TSPAN9: variants seen among roughly 807,000 people sequenced by gnomAD.
TSPAN9 encodes tetraspanin 9, also known as tetraspanin-9.
Under a neutral mutation model 31.0 loss-of-function variants are expected in TSPAN9, and 16 were observed. The ratio of observed to expected loss-of-function variants is 0.52; its 90% confidence interval spans 0.35 to 0.78. The LOEUF (loss-of-function observed/expected upper bound fraction) is 0.78, where lower values mean the gene tolerates loss of function less well. Among genes scored for constraint, TSPAN9 ranks in the 30% least tolerant of loss-of-function variants. The pLI, the probability that TSPAN9 is intolerant of heterozygous loss-of-function variation, is 0.01. For missense variants in TSPAN9, 272 were observed against 312.5 expected (o/e 0.87, Z 0.98); for synonymous variants, 145 against 121.6 (o/e 1.19, Z -1.27).
intron 3 of TSPAN9, among the ~76,000 whole-genome samples, chr12:3,244,425 T>G (rs2098398257): frequency 6.6e-6 from 1 of 152,166 alleles, no homozygotes; most frequent in Admixed American, 6.5e-5. Flanking sequence ...GGAGGCCATG[T>G]CCTTATTCTC....
intron 3 of TSPAN9, 74 bp downstream of exon 3, chr12:3,201,330 C>T: frequency 1.4e-6 from 2 of 1,397,512 alleles, no homozygotes; most frequent in African/African-American, 1.4e-5. Context: ...AATACCCTCT[C>T]CCTCTTCTGT....
chr12:3,211,327 A>G (rs1190282397), intron 3 of TSPAN9, among the ~76,000 whole-genome samples: 1 of 152,052 alleles, frequency 6.6e-6, no homozygotes, highest in Non-Finnish European at 1.5e-5. Context: ...TTTCCACTGG[A>G]CTGTTTGTCT....
At chr12:3,133,228 G>A (rs1244864974) in intron 2 of TSPAN9, among the ~76,000 whole-genome samples, 4 of 152,198 alleles carry the variant, frequency 2.6e-5, no homozygotes, top group South Asian at 2.1e-4. Flanking sequence ...CACCCATCCC[G>A]GAAAAAGAGG....
intron 2 of TSPAN9, among the ~76,000 whole-genome samples, chr12:3,175,379 G>A (rs2098354978): frequency 6.6e-6 from 1 of 152,204 alleles, no homozygotes; most frequent in African/African-American, 2.4e-5. Context: ...CTGCCAAGCT[G>A]TGGCAGCCCC....
chr12:3,204,585 A>C (rs998059915), intron 3 of TSPAN9, among the ~76,000 whole-genome samples: 10 of 152,172 alleles, frequency 6.6e-5, no homozygotes, highest in African/African-American at 2.2e-4. Context: ...TTGGCAGCCC[A>C]GTGCACTGTG....
chr12:3,156,767 CA>C, intron 2 of TSPAN9, among the ~76,000 whole-genome samples: 1 of 152,160 alleles, frequency 6.6e-6, no homozygotes. Context: ...CTCAGCCTCC[CA>C]AAGTGCTGGG....
intron 7 of TSPAN9, 37 bp downstream of exon 7, chr12:3,281,366 C>T (rs775913062): frequency 6.2e-5 from 94 of 1,528,054 alleles, no homozygotes; most frequent in Middle Eastern, 3.5e-4. Context: ...TCCAAGAGCC[C>T]GTGTGTGGAT....
intron 2 of TSPAN9, among the ~76,000 whole-genome samples, chr12:3,198,208 T>C (rs1182887599): frequency 4.6e-3 from 167 of 35,938 alleles, no homozygotes; most frequent in Non-Finnish European, 5.0e-3. Flanking sequence ...CCAGCACAGG[T>C]CACCACCAGC....
chr12:3,182,939 G>A (rs2098359214), intron 2 of TSPAN9, among the ~76,000 whole-genome samples: 1 of 152,248 alleles, frequency 6.6e-6, no homozygotes, highest in Admixed American at 6.5e-5. Context: ...AGGGCCGCAT[G>A]GTCGGAGACA....
At chr12:3,097,291 A>AG (rs2098309606) in intron 2 of TSPAN9, among the ~76,000 whole-genome samples, 1 of 152,138 alleles carries the variant, frequency 6.6e-6, no homozygotes, top group Admixed American at 6.5e-5. Flanking sequence ...GCAGCTTTGG[A>AG]GGAAAACATG....
At chr12:3,102,717 G>T (rs1330983961) in intron 2 of TSPAN9, among the ~76,000 whole-genome samples, 1 of 152,192 alleles carries the variant, frequency 6.6e-6, no homozygotes, top group Admixed American at 6.5e-5. Context: ...GATTACAGGC[G>T]TGAGCCACTG....
At chr12:3,135,571 T>C (rs1480409159) in intron 2 of TSPAN9, among the ~76,000 whole-genome samples, 1 of 152,100 alleles carries the variant, frequency 6.6e-6, no homozygotes, top group Non-Finnish European at 1.5e-5. Flanking sequence ...GCCTGCAGGG[T>C]TGAGGGGCTG....
At chr12:3,188,076 A>G (rs1206117076) in intron 2 of TSPAN9, among the ~76,000 whole-genome samples, 2 of 152,146 alleles carry the variant, frequency 1.3e-5, no homozygotes, top group African/African-American at 2.4e-5. Context: ...TCGAGCTCCT[A>G]TGAAGTGTGA....
intron 2 of TSPAN9, 150 bp from the exon 3 acceptor site, chr12:3,201,027 G>T (rs1026532527): frequency 1.5e-6 from 1 of 662,436 alleles, no homozygotes; most frequent in Admixed American, 3.0e-5. Context: ...CCGTTCGGCC[G>T]CGGCTTCACG....
chr12:3,129,139 A>G (rs963744745), intron 2 of TSPAN9, among the ~76,000 whole-genome samples: 8 of 152,118 alleles, frequency 5.3e-5, no homozygotes, highest in African/African-American at 1.9e-4. Flanking sequence ...TTGTGTGTAT[A>G]TGCCACATTT....
chr12:3,175,695 T>C (rs570646629), intron 2 of TSPAN9, among the ~76,000 whole-genome samples: 1 of 152,340 alleles, frequency 6.6e-6, no homozygotes, highest in South Asian at 2.1e-4. Flanking sequence ...AGTAAGTACC[T>C]GGCCTTTCTG....
intron 2 of TSPAN9, among the ~76,000 whole-genome samples, chr12:3,169,005 T>G (rs2098350247): frequency 6.6e-6 from 1 of 152,096 alleles, no homozygotes. Flanking sequence ...TTTCGTCATT[T>G]CTCTCCTCAT....
At chr12:3,088,719 C>T (rs1363379358) in intron 2 of TSPAN9, among the ~76,000 whole-genome samples, 1 of 151,980 alleles carries the variant, frequency 6.6e-6, no homozygotes, top group Non-Finnish European at 1.5e-5. Context: ...TCAGGCTGGG[C>T]CTTGAGGGAG....
chr12:3,196,044 C>G (rs2098366886), intron 2 of TSPAN9, among the ~76,000 whole-genome samples: 1 of 152,200 alleles, frequency 6.6e-6, no homozygotes, highest in Admixed American at 6.5e-5. Flanking sequence ...GAGGCCCACG[C>G]CTTGTCTTAC....
Sources: allele counts gnomAD v4.1 joint callset (sites outside exome capture counted in the v4.1 genomes callset), GRCh38; gene constraint gnomAD v4.1.1; transcripts MANE v1.5; gene names NCBI Gene and HGNC (gene_info 2026-07-23, HGNC 2026-07-21).